CCDC91: variants seen among roughly 807,000 people sequenced by gnomAD.
CCDC91 encodes the protein coiled-coil domain containing 91.
A neutral mutation model predicts 63.2 loss-of-function variants in CCDC91; 48 were observed. The observed-to-expected ratio is 0.76, with a 90% confidence interval of 0.60 to 0.97. The LOEUF (loss-of-function observed/expected upper bound fraction) is 0.97, where lower values mean the gene tolerates loss of function less well. Among genes scored for constraint, CCDC91 ranks in the 50% least tolerant of loss-of-function variants. The pLI is 0.00. For missense variants in CCDC91, 500 were observed against 494.6 expected, an observed-to-expected ratio of 1.01 and a Z score of -0.10; for synonymous variants, 167 against 165.8, an observed-to-expected ratio of 1.01 and a Z score of -0.06.
intron 3 of CCDC91, among the ~76,000 whole-genome samples, chr12:28,295,822 G>A (rs762255708): frequency 3.5e-4 from 53 of 152,048 alleles, no homozygotes; most frequent in Admixed American, 1.9e-3. Flanking sequence ...TGATGTGTTC[G>A]AAATGTATCA....
intron 7 of CCDC91, among the ~76,000 whole-genome samples, chr12:28,369,116 T>A (rs753322605): frequency 2.6e-5 from 4 of 152,130 alleles, no homozygotes; most frequent in Non-Finnish European, 5.9e-5. Context: ...CCCTAAAATC[T>A]TACCTCATTG....
chr12:28,370,737 T>C (rs1229442693), intron 7 of CCDC91, among the ~76,000 whole-genome samples: 1 of 152,184 alleles, frequency 6.6e-6, no homozygotes, highest in African/African-American at 2.4e-5. Context: ...TGACTCACAG[T>C]TCCACATTGC....
chr12:28,197,123 G>C lies in CCDC91; in HGVS notation c.-15+6482G>C, dbSNP rs1399048576. ...CAAAGTATATACATTTTTTTTTCAG[G>C]TTCTTATATCCACTGCCTCTGTTTG... On this transcript the variant is annotated intron_variant, in intron 1 of 12. Transcript: ENST00000536442. Among the ~76,000 whole-genome samples, 4 of 151,200 alleles carry C rather than the reference G, an allele frequency of 2.6e-5. No individual in the cohort carries two copies. The East Asian group carries it at 7.7e-4, about 29-fold the overall frequency.
At chr12:28,454,856 G>A (rs1253386040) in intron 11 of CCDC91, among the ~76,000 whole-genome samples, 2 of 152,066 alleles carry the variant, frequency 1.3e-5, no homozygotes, top group African/African-American at 2.4e-5. Flanking sequence ...CAGTATAGCC[G>A]GTTTCATGCT....
At chr12:28,487,907 C>T (rs1386686586) in intron 12 of CCDC91, among the ~76,000 whole-genome samples, 1 of 151,628 alleles carries the variant, frequency 6.6e-6, no homozygotes, top group Non-Finnish European at 1.5e-5. Flanking sequence ...GAATACTTTT[C>T]CCCTACATCT....
rs1410142005 is a variant in CCDC91, at chr12:28,267,846, TATATA to T, written c.109+8405_109+8409del. On this transcript the variant is annotated intron_variant, in intron 3 of 12. Transcript: ENST00000536442. ...TTATTAATATATAATTATATATAATTATATAGTAATATATAATTATATATAATTAT... is the reference window on the plus strand; with the variant it reads ...TTATTAATATATAATTATATATAATTGTAATATATAATTATATATAATTAT... Among the ~76,000 whole-genome samples, 5 of 29,724 alleles carry T rather than the reference TATATA, an allele frequency of 1.7e-4. 1 individual carries two copies. The highest frequency in any genetic ancestry group is 6.9e-4 in the African/African-American group (5 of 7,202). The allele number at this position is 29,724 out of a possible 152,430, so 19.5% of individuals were successfully genotyped here.
chr12:28,256,089 T>G (rs1946422505), intron 1 of CCDC91: 1 of 152,188 alleles, frequency 6.6e-6, no homozygotes, highest in African/African-American at 2.4e-5. Flanking sequence ...GTATGTTCAC[T>G]TAAAGTTTTC....
chr12:28,504,072 A>G (rs1392919585), intron 12 of CCDC91, among the ~76,000 whole-genome samples: 1 of 152,008 alleles, frequency 6.6e-6, no homozygotes, highest in Non-Finnish European at 1.5e-5. Context: ...GTACCCTAAA[A>G]CTTAAAGTGT....
In CCDC91 at chr12:28,450,163, T is replaced by C; in HGVS notation, c.765T>C (p.His255=). ...HKCEELLNAQ[H]QRLLEMLDTE... ...AATTTGCTTATCATTCCTTGTAGCATCAGAGGCTCCTTGAAATGCTAGATA... is the reference window on the plus strand; with the variant it reads ...AATTTGCTTATCATTCCTTGTAGCACCAGAGGCTCCTTGAAATGCTAGATA... Residue 255 remains histidine (H), a splice_region_variant and synonymous_variant, in exon 9 of 13, where the codon CAT becomes CAC. Coordinates refer to ENST00000536442, the MANE Select transcript of CCDC91 (RefSeq NM_018318.5). The C allele has an allele frequency of 6.3e-7, 1 of 1,593,056 alleles. No homozygotes were observed. Among genetic ancestry groups the C allele is most frequent in the South Asian group, 1.1e-5 (1 of 88,690 alleles).
intron 1 of CCDC91, among the ~76,000 whole-genome samples, chr12:28,250,795 A>T (rs1433568810): frequency 6.6e-6 from 1 of 152,118 alleles, no homozygotes; most frequent in Non-Finnish European, 1.5e-5. Context: ...AAGATGAATA[A>T]AGAAAGGATC....
chr12:28,408,282 G>C (rs1485195491), intron 8 of CCDC91, among the ~76,000 whole-genome samples: 1 of 152,028 alleles, frequency 6.6e-6, no homozygotes, highest in Non-Finnish European at 1.5e-5. Flanking sequence ...ATGGCTTCCA[G>C]CTTCATCCAT....
intron 8 of CCDC91, among the ~76,000 whole-genome samples, chr12:28,417,639 AT>A (rs1455679988): frequency 1.7e-4 from 21 of 121,346 alleles, no homozygotes; most frequent in South Asian, 2.9e-4. Flanking sequence ...ATATATATAT[AT>A]ACACACACAC....
At chr12:28,449,955 C>G (rs776653818) in intron 8 of CCDC91, among the ~76,000 whole-genome samples, 3 of 151,824 alleles carry the variant, frequency 2.0e-5, no homozygotes, top group Non-Finnish European at 3.0e-5. Flanking sequence ...CTCTGTTGAA[C>G]TTGGGGCTAA....
chr12:28,283,041 G>A (rs1453873952), intron 3 of CCDC91, among the ~76,000 whole-genome samples: 1 of 151,976 alleles, frequency 6.6e-6, no homozygotes, highest in African/African-American at 2.4e-5. Flanking sequence ...GTATTTCTAG[G>A]TTCTCCATTC....
At chr12:28,473,439 T>C (rs1950923334) in intron 11 of CCDC91, among the ~76,000 whole-genome samples, 1 of 152,200 alleles carries the variant, frequency 6.6e-6, no homozygotes, top group Non-Finnish European at 1.5e-5. Context: ...AACTATGAGT[T>C]TTAAATAATT....
At chr12:28,351,796 C>A (rs895385164) in intron 6 of CCDC91, among the ~76,000 whole-genome samples, 1 of 152,098 alleles carries the variant, frequency 6.6e-6, no homozygotes, top group African/African-American at 2.4e-5. Context: ...ATTTTTCCTG[C>A]ATCCTAGGCT....
intron 1 of CCDC91, among the ~76,000 whole-genome samples, chr12:28,194,984 C>T (rs550874018): frequency 3.0e-4 from 46 of 152,246 alleles, no homozygotes; most frequent in Admixed American, 2.6e-3. Context: ...AGATTTATTG[C>T]GAACAGTGAA....
At chr12:28,541,102 A>G (rs1336198844) in intron 12 of CCDC91, among the ~76,000 whole-genome samples, 1 of 152,086 alleles carries the variant, frequency 6.6e-6, no homozygotes, top group East Asian at 1.9e-4. Flanking sequence ...GATGATAAAT[A>G]TTTGTTGCTT....
chr12:28,254,434 A>G (rs1372437212), intron 1 of CCDC91, among the ~76,000 whole-genome samples: 3 of 152,216 alleles, frequency 2.0e-5, no homozygotes, highest in Admixed American at 6.5e-5. Context: ...ATTCTAAAAT[A>G]CTTGATAAGA....
Sources: gnomAD v4.1 joint callset for allele counts (sites outside exome capture counted in the v4.1 genomes callset) on GRCh38, gnomAD v4.1.1 for gene constraint, MANE v1.5 for transcripts, NCBI Gene and HGNC (gene_info 2026-07-23, HGNC 2026-07-21) for gene names.